Variants in DCC observed in about 807,000 individuals in gnomAD.
The protein encoded by DCC is netrin receptor DCC.
A neutral mutation model predicts 172.5 loss-of-function variants in DCC; 58 were observed. The observed-to-expected ratio is 0.34, with a 90% CI of 0.27 to 0.42. The LOEUF (loss-of-function observed/expected upper bound fraction) is 0.42, where lower values mean the gene tolerates loss of function less well. Among genes scored for constraint, DCC ranks in the 10% least tolerant of loss-of-function variants. The probability of loss-of-function intolerance (pLI) is 1.00; values close to 1 mark genes in which losing one functional copy is unlikely to be tolerated. For missense variants in DCC, 1,740 were observed against 1,791.0 expected (o/e 0.97, Z 0.51); for synonymous variants, 709 against 644.5 (o/e 1.10, Z -1.52).
At chr18:52,578,741 C>G (rs2033474963) in intron 1 of DCC, among the ~76,000 whole-genome samples, 1 of 152,164 alleles carries the variant, frequency 6.6e-6, no homozygotes, top group African/African-American at 2.4e-5. Context: ...GTGGCTCATG[C>G]CTGTAATCCC....
At chr18:52,837,285 T>C (rs1032209066) in intron 2 of DCC, among the ~76,000 whole-genome samples, 1 of 152,238 alleles carries the variant, frequency 6.6e-6, no homozygotes, top group Non-Finnish European at 1.5e-5. Context: ...TCCTTGTTAC[T>C]TAGGCAAATT....
At chr18:52,766,858 A>T (rs1268322155) in intron 2 of DCC, among the ~76,000 whole-genome samples, 2 of 151,782 alleles carry the variant, frequency 1.3e-5, no homozygotes, top group African/African-American at 4.8e-5. Context: ...TCAGGGACCG[A>T]CCCTTTTCTG....
chr18:52,528,345 T>C (rs1034282692), intron 1 of DCC, among the ~76,000 whole-genome samples: 1 of 152,224 alleles, frequency 6.6e-6, no homozygotes, highest in Non-Finnish European at 1.5e-5. Context: ...TTTTTGTTGC[T>C]AGGAACAGAA....
At chr18:52,696,086 A>T (rs1325782454) in intron 1 of DCC, among the ~76,000 whole-genome samples, 12 of 152,254 alleles carry the variant, frequency 7.9e-5, no homozygotes. Flanking sequence ...GAAAAAAGCT[A>T]TTTCATAAGT....
intron 5 of DCC, among the ~76,000 whole-genome samples, chr18:53,018,320 C>G (rs1465017098): frequency 6.6e-6 from 1 of 152,130 alleles, no homozygotes; most frequent in African/African-American, 2.4e-5. Flanking sequence ...CTGTCAGCTG[C>G]GTTGGTTTTA....
chr18:52,978,112 ATCAC>A (rs2041152618), intron 5 of DCC, among the ~76,000 whole-genome samples: 1 of 152,052 alleles, frequency 6.6e-6, no homozygotes, highest in Admixed American at 6.6e-5. Context: ...GCGCTTGTAT[ATCAC>A]TCTAAGTGCT....
chr18:52,661,135 T>A (rs2035351070), intron 1 of DCC, among the ~76,000 whole-genome samples: 2 of 152,130 alleles, frequency 1.3e-5, no homozygotes, highest in Admixed American at 1.3e-4. Flanking sequence ...AATACCCTGG[T>A]GGGGAACAAA....
At chr18:53,158,988 C>CAAAAAAAAAAAAAAAAAAAAAAA (rs558049091) in intron 8 of DCC, among the ~76,000 whole-genome samples, 3 of 52,368 alleles carry the variant, frequency 5.7e-5, no homozygotes, top group African/African-American at 1.8e-4. Context: ...GACGCCATCT[C>CAAAAAAAAAAAAAAAAAAAAAAA]AAAAAAAAAA....
intron 12 of DCC, among the ~76,000 whole-genome samples, chr18:53,278,786 C>T (rs2032554575): frequency 1.3e-5 from 2 of 152,126 alleles, no homozygotes; most frequent in Non-Finnish European, 2.9e-5. Context: ...ATTTGATCCT[C>T]ACAACACCAC....
intron 5 of DCC, among the ~76,000 whole-genome samples, chr18:52,951,111 C>A (rs367985378): frequency 1.3e-5 from 2 of 151,942 alleles, no homozygotes; most frequent in African/African-American, 4.8e-5. Flanking sequence ...AGCCACTGTT[C>A]GGTAATGTTT....
chr18:53,205,735 C>T (rs534172973), intron 10 of DCC, among the ~76,000 whole-genome samples: 4 of 152,176 alleles, frequency 2.6e-5, no homozygotes, highest in South Asian at 2.1e-4. Context: ...TAGTCAATGG[C>T]GTTTGCCAAA....
At chr18:52,356,044 T>TG (rs1984348962) in intron 1 of DCC, among the ~76,000 whole-genome samples, 1 of 152,180 alleles carries the variant, frequency 6.6e-6, no homozygotes, top group Admixed American at 6.5e-5. Context: ...ATGACTTCCC[T>TG]GGTCACTAGC....
chr18:52,671,311 T>C (rs1264270092), intron 1 of DCC, among the ~76,000 whole-genome samples: 2 of 152,172 alleles, frequency 1.3e-5, no homozygotes, highest in Non-Finnish European at 2.9e-5. Context: ...GTGTGACTGA[T>C]TCTAAAAGTG....
chr18:53,351,528 G>A (rs34182396), intron 15 of DCC, among the ~76,000 whole-genome samples: 107,857 of 111,750 alleles, frequency 0.97, 52,288 homozygotes, highest in Middle Eastern at 1. Flanking sequence ...GAATATATGT[G>A]TCATTGGAAA....
intron 12 of DCC, among the ~76,000 whole-genome samples, chr18:53,299,149 G>C (rs2057103044): frequency 6.6e-6 from 1 of 152,170 alleles, no homozygotes; most frequent in African/African-American, 2.4e-5. Context: ...ATGTATGAAT[G>C]GTGGGGAAGA....
At chr18:52,897,887 G>A (rs771001447) in intron 2 of DCC, among the ~76,000 whole-genome samples, 3 of 152,192 alleles carry the variant, frequency 2.0e-5, no homozygotes, top group Non-Finnish European at 4.4e-5. Flanking sequence ...ATGATAGCTT[G>A]CAGAGGGATG....
intron 18 of DCC, among the ~76,000 whole-genome samples, chr18:53,399,507 G>A (rs1909168350): frequency 6.6e-6 from 1 of 152,082 alleles, no homozygotes; most frequent in Non-Finnish European, 1.5e-5. Context: ...AGTAACAAAT[G>A]CCCAATACAA....
At chr18:52,861,056 A>T (rs763101776) in intron 2 of DCC, among the ~76,000 whole-genome samples, 1 of 151,628 alleles carries the variant, frequency 6.6e-6, no homozygotes, top group African/African-American at 2.4e-5. Flanking sequence ...TGACTTTTTC[A>T]TAACAAATCT....
intron 2 of DCC, among the ~76,000 whole-genome samples, chr18:52,756,047 C>T (rs948234891): frequency 2.0e-5 from 3 of 152,198 alleles, no homozygotes; most frequent in African/African-American, 4.8e-5. Context: ...GCTACTGACT[C>T]TCAGTATTTC....
Sources: allele counts gnomAD v4.1 joint callset (sites outside exome capture counted in the v4.1 genomes callset), GRCh38; gene constraint gnomAD v4.1.1; transcripts MANE v1.5; gene names NCBI Gene and HGNC (gene_info 2026-07-23, HGNC 2026-07-21).